FHIT: variants seen among roughly 807,000 people sequenced by gnomAD.
FHIT encodes bis(5'-adenosyl)-triphosphatase.
FHIT carries 19 observed loss-of-function variants against 17.9 expected under a neutral mutation model. That is an observed-to-expected ratio of 1.06 (90% confidence interval 0.74 to 1.56). The LOEUF (loss-of-function observed/expected upper bound fraction) is 1.56, where lower values mean the gene tolerates loss of function less well. FHIT is among the 40% of genes most tolerant of loss of function. The pLI is 0.00. For synonymous variants in FHIT, 81 were observed against 69.7 expected, an observed-to-expected ratio of 1.16 and a Z score of -0.81; for missense variants, 248 against 189.2, an observed-to-expected ratio of 1.31 and a Z score of -1.82.
At chr3:60,364,417 C>A (rs948581451) in intron 5 of FHIT, among the ~76,000 whole-genome samples, 3 of 152,246 alleles carry the variant, frequency 2.0e-5, no homozygotes, top group African/African-American at 7.2e-5. Flanking sequence ...GCACCTACAA[C>A]TTAGACAATA....
chr3:60,678,762 CA>C (rs1416416577), intron 4 of FHIT, among the ~76,000 whole-genome samples: 2 of 152,000 alleles, frequency 1.3e-5, no homozygotes, highest in South Asian at 2.1e-4. Context: ...AATTTTGTCC[CA>C]AGAGTGGCTC....
intron 5 of FHIT, among the ~76,000 whole-genome samples, chr3:60,094,586 A>G (rs1438405707): frequency 6.6e-6 from 1 of 152,230 alleles, no homozygotes; most frequent in Non-Finnish European, 1.5e-5. Context: ...GTTAAATCCT[A>G]GCTCTGACAG....
At chr3:60,393,264 A>T (rs973190388) in intron 5 of FHIT, among the ~76,000 whole-genome samples, 1 of 152,078 alleles carries the variant, frequency 6.6e-6, no homozygotes, top group Non-Finnish European at 1.5e-5. Flanking sequence ...GTTTATGTTG[A>T]GGAAATAAAG....
intron 5 of FHIT, among the ~76,000 whole-genome samples, chr3:60,189,574 G>T (rs1702309495): frequency 3.9e-5 from 6 of 152,130 alleles, no homozygotes; most frequent in Admixed American, 3.9e-4. Context: ...CTGGTTCCCT[G>T]CATTTGCTAT....
chr3:60,759,123 G>A (rs1317748400), intron 4 of FHIT, among the ~76,000 whole-genome samples: 1 of 152,114 alleles, frequency 6.6e-6, no homozygotes, highest in Non-Finnish European at 1.5e-5. Flanking sequence ...CAATCAGGGA[G>A]ACGGCAGGGA....
At chr3:59,952,500 G>C (rs1707168891) in intron 7 of FHIT, among the ~76,000 whole-genome samples, 1 of 152,126 alleles carries the variant, frequency 6.6e-6, no homozygotes, top group African/African-American at 2.4e-5. Context: ...CACCTCCCCT[G>C]ACCAAAGCTA....
intron 3 of FHIT, among the ~76,000 whole-genome samples, chr3:60,979,249 T>C (rs1021471055): frequency 6.6e-5 from 10 of 152,118 alleles, no homozygotes; most frequent in Non-Finnish European, 8.8e-5. Context: ...CCATAGTAAA[T>C]AAGGCAAAAG....
At chr3:59,771,515 A>G (rs1385710) in intron 8 of FHIT, among the ~76,000 whole-genome samples, 26,531 of 152,182 alleles carry the variant, frequency 0.17, 2,348 homozygotes, top group East Asian at 0.26. Flanking sequence ...GAAACCCCCC[A>G]TAGAGTGTTG....
At chr3:60,554,182 T>TTC (rs1044366437) in intron 4 of FHIT, among the ~76,000 whole-genome samples, 1 of 151,952 alleles carries the variant, frequency 6.6e-6, no homozygotes, top group Non-Finnish European at 1.5e-5. Context: ...ATGGCATGAC[T>TTC]TCTCAGTCTG....
At chr3:60,895,541 AATAGT>A (rs1705746662) in intron 3 of FHIT, among the ~76,000 whole-genome samples, 1 of 152,174 alleles carries the variant, frequency 6.6e-6, no homozygotes, top group Admixed American at 6.5e-5. Flanking sequence ...TTATTACTAT[AATAGT>A]TGTAAAAAAG....
At chr3:60,586,058 T>G (rs1300990016) in intron 4 of FHIT, among the ~76,000 whole-genome samples, 2 of 151,992 alleles carry the variant, frequency 1.3e-5, no homozygotes, top group Non-Finnish European at 2.9e-5. Flanking sequence ...CTTTCAAGAA[T>G]GCTGGTTTAT....
chr3:60,441,934 C>T lies in FHIT; in HGVS notation c.103+94926G>A, dbSNP rs556554644. 4.0e-5 allele frequency among the ~76,000 whole-genome samples: 6 copies of T among 149,194 alleles called. No homozygotes were observed. In the East Asian group the frequency reaches 1.2e-3, roughly 30 times the overall value. The stretch of plus-strand genomic sequence containing the variant: ...AGTACAGTGGCATGATCATGGCTCA[C>T]TGCAGCCTCAAACTCCTGGGCTCAA... On this transcript the variant is annotated intron_variant, in intron 5 of 9. Transcript: ENST00000492590.
At chr3:60,009,800 C>T (rs1700071808) in intron 7 of FHIT, among the ~76,000 whole-genome samples, 1 of 152,190 alleles carries the variant, frequency 6.6e-6, no homozygotes. Context: ...CCATTCCTTC[C>T]TTGTCCCAGT....
chr3:60,925,103 A>T (rs6446165), intron 3 of FHIT, among the ~76,000 whole-genome samples: 2 of 152,004 alleles, frequency 1.3e-5, no homozygotes, highest in African/African-American at 4.8e-5. Flanking sequence ...TGAAAGTGAC[A>T]GGGAGAATGG....
intron 2 of FHIT, among the ~76,000 whole-genome samples, chr3:61,120,879 A>G (rs9839960): frequency 0.016 from 2,446 of 152,082 alleles, 56 homozygotes; most frequent in African/African-American, 0.055. Flanking sequence ...AACTAGAATA[A>G]CCAGTTTAGA....
intron 5 of FHIT, among the ~76,000 whole-genome samples, chr3:60,101,765 A>G (rs553418747): frequency 2.0e-5 from 3 of 152,178 alleles, no homozygotes; most frequent in Non-Finnish European, 4.4e-5. Flanking sequence ...ATCACATTCC[A>G]AGGTCTGTCA....
intron 2 of FHIT, among the ~76,000 whole-genome samples, chr3:61,088,116 T>C (rs1397434707): frequency 1.3e-5 from 2 of 152,134 alleles, no homozygotes; most frequent in African/African-American, 2.4e-5. Context: ...TAGCCCTAGA[T>C]CACTCATCTC....
chr3:60,818,290 T>G (rs1701805470), intron 4 of FHIT, among the ~76,000 whole-genome samples: 1 of 152,178 alleles, frequency 6.6e-6, no homozygotes, highest in Admixed American at 6.5e-5. Context: ...TGGGTTTCCA[T>G]ATAGCGTGTA....
intron 4 of FHIT, among the ~76,000 whole-genome samples, chr3:60,566,694 G>T (rs1399078850): frequency 6.6e-6 from 1 of 152,130 alleles, no homozygotes; most frequent in Non-Finnish European, 1.5e-5. Flanking sequence ...TGACATGATT[G>T]TATATCTAGA....
Sources: allele counts gnomAD v4.1 joint callset (sites outside exome capture counted in the v4.1 genomes callset), GRCh38; gene constraint gnomAD v4.1.1; transcripts MANE v1.5; gene names NCBI Gene and HGNC (gene_info 2026-07-23, HGNC 2026-07-21).